MYO18B: variants seen among roughly 807,000 people sequenced by gnomAD.
MYO18B encodes the protein myosin XVIIIB, also known as unconventional myosin-XVIIIb.
MYO18B carries 204 observed loss-of-function variants against 273.0 expected under a neutral mutation model. The ratio of observed to expected loss-of-function variants is 0.75; its 90% CI spans 0.67 to 0.84. The LOEUF (loss-of-function observed/expected upper bound fraction) is 0.84. MYO18B is among the 40% of genes least tolerant of loss of function. The pLI, the probability that MYO18B is intolerant of heterozygous loss-of-function variation, is 0.00. For synonymous variants in MYO18B, 1,330 were observed against 1,305.7 expected (o/e 1.02, Z -0.40); for missense variants, 3,212 against 3,287.6 (o/e 0.98, Z 0.56).
At chr22:26,053,725 C>T in the MYO18B span, among the ~76,000 whole-genome samples, 2 of 152,126 alleles carry the variant, frequency 1.3e-5, no homozygotes, top group Non-Finnish European at 2.9e-5. Context: ...AAACAAGACC[C>T]AGTGACATGG....
intron 42 of MYO18B, among the ~76,000 whole-genome samples, chr22:26,026,025 TTGG>T (rs1251161948): frequency 6.6e-6 from 1 of 152,214 alleles, no homozygotes; most frequent in African/African-American, 2.4e-5. Flanking sequence ...GAAGCCCCAC[TTGG>T]TGGGACTGTC....
intron 39 of MYO18B, among the ~76,000 whole-genome samples, chr22:25,990,476 A>G (rs1034866280): frequency 1.3e-5 from 2 of 152,114 alleles, no homozygotes; most frequent in African/African-American, 4.8e-5. Context: ...ACTTGAGGTC[A>G]GGAATTCGAG....
chr22:25,759,517 C>G (rs59102982), intron 1 of MYO18B, among the ~76,000 whole-genome samples: 2 of 149,960 alleles, frequency 1.3e-5, no homozygotes, highest in Admixed American at 6.7e-5. Flanking sequence ...TGGGGCCTGT[C>G]GAGGGGTGGG....
chr22:26,056,832 C>G, the MYO18B span, among the ~76,000 whole-genome samples: 2 of 152,170 alleles, frequency 1.3e-5, no homozygotes, highest in African/African-American at 4.8e-5. Context: ...CTTTTTCAAA[C>G]AGCATAAATA....
chr22:25,946,545 G>GT (rs1347821184), intron 35 of MYO18B, among the ~76,000 whole-genome samples: 1 of 152,190 alleles, frequency 6.6e-6, no homozygotes, highest in Non-Finnish European at 1.5e-5. Context: ...AGGCTCAACT[G>GT]TGTGTTCCCA....
intron 40 of MYO18B, among the ~76,000 whole-genome samples, chr22:26,002,611 G>T (rs544015836): frequency 6.6e-6 from 1 of 152,160 alleles, no homozygotes; most frequent in African/African-American, 2.4e-5. Context: ...TGAGGTTTGC[G>T]GTTTGGCTGT....
At chr22:25,909,777 A>G (rs929504092) in intron 32 of MYO18B, among the ~76,000 whole-genome samples, 3 of 152,228 alleles carry the variant, frequency 2.0e-5, no homozygotes, top group Non-Finnish European at 2.9e-5. Flanking sequence ...TGCTCTGTTC[A>G]GTCTATCTCT....
intron 40 of MYO18B, among the ~76,000 whole-genome samples, chr22:26,002,624 GC>G (rs1337832984): frequency 2.6e-5 from 4 of 152,202 alleles, no homozygotes; most frequent in African/African-American, 9.6e-5. Flanking sequence ...TTGGCTGTCT[GC>G]ACCCACCCAC....
intron 1 of MYO18B, among the ~76,000 whole-genome samples, chr22:25,754,750 T>C (rs2086056484): frequency 6.6e-6 from 1 of 152,186 alleles, no homozygotes; most frequent in South Asian, 2.1e-4. Context: ...CGGGATTGGC[T>C]CCTGGCCCTG....
At chr22:25,851,135 C>A (rs2090415300) in intron 20 of MYO18B, among the ~76,000 whole-genome samples, 1 of 152,182 alleles carries the variant, frequency 6.6e-6, no homozygotes, top group Non-Finnish European at 1.5e-5. Context: ...TATCAGGCAT[C>A]TCCCCTGCAT....
At chr22:26,009,045 C>T (rs771125196) in intron 42 of MYO18B, among the ~76,000 whole-genome samples, 1 of 152,318 alleles carries the variant, frequency 6.6e-6, no homozygotes, top group African/African-American at 2.4e-5. Flanking sequence ...GTATTGTCAT[C>T]GGGCAGTCGC....
intron 12 of MYO18B, among the ~76,000 whole-genome samples, chr22:25,822,312 A>G (rs191404840): frequency 7.4e-4 from 113 of 152,178 alleles, no homozygotes; most frequent in African/African-American, 2.5e-3. Flanking sequence ...TTCAGATAGA[A>G]CCCACTTTGA....
intron 17 of MYO18B, among the ~76,000 whole-genome samples, chr22:25,843,261 T>A (rs190509640): frequency 4.5e-4 from 69 of 152,334 alleles, no homozygotes; most frequent in Non-Finnish European, 7.4e-5. Flanking sequence ...TTGATGGTAT[T>A]CAAAATGATT....
In MYO18B at chr22:25,963,184, A is replaced by T. The variant is rs200664975; in HGVS notation, c.6156+7820A>T. On this transcript the variant is annotated intron_variant, in intron 39 of 43. Transcript: ENST00000335473. ...TCCTCTCTCTCTCTCTCTCTCACAC[A>T]CACACACACACACACACACACACAC... Among the ~76,000 whole-genome samples, 885 of 110,472 alleles carry T rather than the reference A, an allele frequency of 8.0e-3. 19 individuals are homozygous for T. The East Asian group carries it at 0.12, about 15-fold the overall frequency. The allele number at this position is 110,472 out of a possible 152,430, so 72.5% of individuals were successfully genotyped here. A position where few individuals can be genotyped will look rare whatever the true frequency, so the allele number is the denominator to read the frequency against.
intron 42 of MYO18B, among the ~76,000 whole-genome samples, chr22:26,009,217 A>G (rs1013369875): frequency 2.6e-5 from 4 of 152,158 alleles, no homozygotes; most frequent in Non-Finnish European, 4.4e-5. Context: ...ATTTGCCCCC[A>G]TATTCCCTCT....
chr22:25,937,185 G>C (rs1275465078), intron 34 of MYO18B, among the ~76,000 whole-genome samples: 2 of 151,966 alleles, frequency 1.3e-5, no homozygotes. Flanking sequence ...CTGGGTTCAA[G>C]CAGTTCTCCC....
intron 12 of MYO18B, among the ~76,000 whole-genome samples, chr22:25,822,391 GC>G (rs2089316170): frequency 6.6e-6 from 1 of 152,106 alleles, no homozygotes; most frequent in African/African-American, 2.4e-5. Context: ...TTTCTGTTTG[GC>G]AGAGGGCAGA....
At chr22:25,860,635 C>T (rs1323371023) in intron 21 of MYO18B, among the ~76,000 whole-genome samples, 1 of 152,112 alleles carries the variant, frequency 6.6e-6, no homozygotes, top group Non-Finnish European at 1.5e-5. Flanking sequence ...GGAACTTTCT[C>T]ACCTTTTTTC....
intron 1 of MYO18B, 44 bp downstream of exon 1, chr22:25,742,337 C>G (rs1034552041): frequency 6.6e-6 from 1 of 152,190 alleles, no homozygotes; most frequent in African/African-American, 2.4e-5. Flanking sequence ...GCGAGCGGAT[C>G]GGCGAGTTTT....
Sources: allele counts gnomAD v4.1 joint callset (sites outside exome capture counted in the v4.1 genomes callset), GRCh38; gene constraint gnomAD v4.1.1; transcripts MANE v1.5; gene names NCBI Gene and HGNC (gene_info 2026-07-23, HGNC 2026-07-21).